Variants in DLG2 observed in about 807,000 individuals in gnomAD.
DLG2 encodes discs large MAGUK scaffold protein 2.
In DLG2, 45 loss-of-function variants were observed where a neutral mutation model predicts 132.5. That is an observed-to-expected ratio of 0.34 (90% confidence interval 0.27 to 0.44). The LOEUF (loss-of-function observed/expected upper bound fraction) is 0.44. Among genes scored for constraint, DLG2 ranks in the 20% least tolerant of loss-of-function variants. The probability of loss-of-function intolerance (pLI) is 1.00; values close to 1 mark genes in which losing one functional copy is unlikely to be tolerated. For missense variants in DLG2, 1,045 were observed against 1,196.9 expected, an observed-to-expected ratio of 0.87 and a Z score of 1.87; for synonymous variants, 424 against 419.6, an observed-to-expected ratio of 1.01 and a Z score of -0.13.
chr11:83,947,825 T>C (rs1247543954), intron 14 of DLG2, among the ~76,000 whole-genome samples: 1 of 152,220 alleles, frequency 6.6e-6, no homozygotes, highest in Non-Finnish European at 1.5e-5. Flanking sequence ...CAAGATGTTA[T>C]CCTCCTTCTG....
intron 6 of DLG2, among the ~76,000 whole-genome samples, chr11:84,690,598 T>C (rs1032989470): frequency 6.6e-6 from 1 of 151,936 alleles, no homozygotes; most frequent in Non-Finnish European, 1.5e-5. Flanking sequence ...GATATATGTA[T>C]CACTTAATGG....
At chr11:85,141,266 TG>T (rs1210610051) in intron 5 of DLG2, among the ~76,000 whole-genome samples, 1 of 151,924 alleles carries the variant, frequency 6.6e-6, no homozygotes, top group Non-Finnish European at 1.5e-5. Context: ...CCATTTTAAC[TG>T]GGGTGAGATG....
chr11:84,875,886 C>T (rs1017655162), intron 6 of DLG2, among the ~76,000 whole-genome samples: 29 of 152,100 alleles, frequency 1.9e-4, no homozygotes, highest in Admixed American at 9.8e-4. Flanking sequence ...TACAGGTGTC[C>T]GCCACCATAC....
chr11:84,121,043 A>C (rs896912836), intron 9 of DLG2, among the ~76,000 whole-genome samples: 5 of 152,164 alleles, frequency 3.3e-5, no homozygotes, highest in African/African-American at 1.2e-4. Flanking sequence ...TCATTCATTT[A>C]TTCACTCATT....
At chr11:83,531,253 A>G (rs1276508171) in intron 21 of DLG2, among the ~76,000 whole-genome samples, 1 of 152,042 alleles carries the variant, frequency 6.6e-6, no homozygotes. Flanking sequence ...ATTGCAAAGC[A>G]TATATATCTC....
At chr11:83,893,832 C>T (rs2070734415) in intron 15 of DLG2, among the ~76,000 whole-genome samples, 1 of 152,198 alleles carries the variant, frequency 6.6e-6, no homozygotes, top group Admixed American at 6.5e-5. Flanking sequence ...ACTCCACTTC[C>T]CCACTGCCTT....
At chr11:84,808,718 T>C (rs1321199408) in intron 6 of DLG2, among the ~76,000 whole-genome samples, 1 of 151,826 alleles carries the variant, frequency 6.6e-6, no homozygotes, top group East Asian at 1.9e-4. Flanking sequence ...AATGTACCAA[T>C]TACCCAAAAA....
intron 18 of DLG2, among the ~76,000 whole-genome samples, chr11:83,751,292 C>T (rs956436291): frequency 6.6e-6 from 1 of 152,074 alleles, no homozygotes; most frequent in Non-Finnish European, 1.5e-5. Flanking sequence ...ACAGCAGAAA[C>T]AGTAGAGGAA....
chr11:84,362,751 T>C (rs976919912), intron 7 of DLG2, among the ~76,000 whole-genome samples: 5 of 151,988 alleles, frequency 3.3e-5, no homozygotes, highest in African/African-American at 1.2e-4. Context: ...TGAGTGAGAA[T>C]GTGCGGTGTT....
intron 6 of DLG2, among the ~76,000 whole-genome samples, chr11:84,615,828 A>AAAAAAAAAAAAAC: frequency 6.9e-6 from 1 of 145,846 alleles, no homozygotes; most frequent in Non-Finnish European, 1.5e-5. Flanking sequence ...TAAAAAAAAA[A>AAAAAAAAAAAAAC]AAAAAAAAAA....
chr11:83,790,360 G>A (rs2041207286), intron 17 of DLG2: 1 of 887,498 alleles, frequency 1.1e-6, no homozygotes, highest in Non-Finnish European at 1.8e-6. Flanking sequence ...CCCAATCAAG[G>A]AAAGAACCAT....
chr11:83,741,022 C>T (rs78779989), intron 18 of DLG2, among the ~76,000 whole-genome samples: 1 of 152,110 alleles, frequency 6.6e-6, no homozygotes, highest in East Asian at 1.9e-4. Flanking sequence ...ATGTGATTCA[C>T]CACATAAACA....
At chr11:84,740,670 G>C (rs1050371646) in intron 6 of DLG2, among the ~76,000 whole-genome samples, 1 of 152,166 alleles carries the variant, frequency 6.6e-6, no homozygotes, top group African/African-American at 2.4e-5. Flanking sequence ...CAGCGGTGCA[G>C]AGCCTGAACC....
At chr11:85,036,984 T>A (rs1323842401) in intron 6 of DLG2, among the ~76,000 whole-genome samples, 1 of 152,206 alleles carries the variant, frequency 6.6e-6, no homozygotes, top group East Asian at 1.9e-4. Flanking sequence ...AGGACTTAGA[T>A]TAGTCTGTGG....
chr11:85,212,823 G>C (rs1362302956), intron 4 of DLG2, among the ~76,000 whole-genome samples: 1 of 152,156 alleles, frequency 6.6e-6, no homozygotes, highest in African/African-American at 2.4e-5. Context: ...AGGGAGGTAA[G>C]TTGAACATCT....
intron 6 of DLG2, among the ~76,000 whole-genome samples, chr11:84,749,804 TC>T (rs1480881647): frequency 5.3e-5 from 8 of 152,150 alleles, no homozygotes; most frequent in Non-Finnish European, 1.0e-4. Context: ...CCCTTTGGAT[TC>T]CCCCTGCTGT....
At chr11:84,875,801 G>C (rs76474929) in intron 6 of DLG2, among the ~76,000 whole-genome samples, 1 of 151,968 alleles carries the variant, frequency 6.6e-6, no homozygotes, top group East Asian at 1.9e-4. Flanking sequence ...CAGTGGTGGC[G>C]ATCTCAGCTC....
chr11:84,659,116 A>C (rs1403586284), intron 6 of DLG2, among the ~76,000 whole-genome samples: 1 of 152,204 alleles, frequency 6.6e-6, no homozygotes, highest in Non-Finnish European at 1.5e-5. Flanking sequence ...TGAGAAAGGA[A>C]CTTCTTTCTT....
intron 11 of DLG2, among the ~76,000 whole-genome samples, chr11:83,984,214 ATAGATAGATAG>A (rs1467191788): frequency 1.3e-3 from 200 of 151,894 alleles, no homozygotes; most frequent in African/African-American, 4.8e-3. Context: ...AGATAGATAG[ATAGATAGATAG>A]ATAGATAGAT....
Sources: gnomAD v4.1 joint callset for allele counts (sites outside exome capture counted in the v4.1 genomes callset) on GRCh38, gnomAD v4.1.1 for gene constraint, MANE v1.5 for transcripts, NCBI Gene and HGNC (gene_info 2026-07-23, HGNC 2026-07-21) for gene names.